DLC1: variants seen among roughly 807,000 people sequenced by gnomAD.
DLC1 encodes the protein rho GTPase-activating protein 7.
Under a neutral mutation model 140.3 loss-of-function variants are expected in DLC1, and 54 were observed. That is an observed-to-expected ratio of 0.38 (90% confidence interval 0.31 to 0.48). DLC1 has a LOEUF of 0.48. Ranked by LOEUF, DLC1 falls within the 20% of genes least tolerant of loss-of-function variation. The pLI, the probability that DLC1 is intolerant of heterozygous loss-of-function variation, is 0.96. For synonymous variants in DLC1, 986 were observed against 728.1 expected (o/e 1.35, Z -5.70); for missense variants, 2,536 against 1,907.0 (o/e 1.33, Z -6.14).
At chr8:13,205,608 A>T (rs1257599895) in intron 5 of DLC1, among the ~76,000 whole-genome samples, 3 of 152,078 alleles carry the variant, frequency 2.0e-5, no homozygotes, top group Non-Finnish European at 4.4e-5. Context: ...ATAGCTGATG[A>T]GCTAAAAAAA....
intron 5 of DLC1, among the ~76,000 whole-genome samples, chr8:13,272,418 G>A (rs1830971685): frequency 6.6e-6 from 1 of 152,076 alleles, no homozygotes; most frequent in Non-Finnish European, 1.5e-5. Flanking sequence ...TCCAGCCTGG[G>A]CGACAGAGTG....
At position 13,426,673 on chromosome 8, in the gene DLC1, T is replaced by G. The variant is rs933130425; in HGVS notation, c.1024-25054A>C. 2.6e-5 allele frequency among the ~76,000 whole-genome samples: 4 copies of G among 152,158 alleles called. No homozygotes were observed. In the East Asian group the frequency reaches 7.7e-4, roughly 29 times the overall value. The stretch of plus-strand genomic sequence containing the variant: ...GAGACTTAGTAGGGGCAACATAGAT[T>G]TAGAAATCAGTCCTTCTTCCTCGCA... On this transcript the variant is annotated intron_variant, in intron 2 of 17. Transcript: ENST00000276297.
At chr8:13,520,003 G>C (rs1421384693) in intron 1 of DLC1, among the ~76,000 whole-genome samples, 1 of 152,174 alleles carries the variant, frequency 6.6e-6, no homozygotes, top group African/African-American at 2.4e-5. Flanking sequence ...GGAGAAATAG[G>C]AACACTTTTA....
At chr8:13,562,965 CAA>C (rs376651361) in intron 1 of DLC1, among the ~76,000 whole-genome samples, 32 of 150,668 alleles carry the variant, frequency 2.1e-4, no homozygotes, top group Middle Eastern at 3.5e-3. Flanking sequence ...GTTTTTATAA[CAA>C]GAGAGGAACA....
At chr8:13,575,600 A>G (rs931554053) in intron 1 of DLC1, among the ~76,000 whole-genome samples, 1 of 152,120 alleles carries the variant, frequency 6.6e-6, no homozygotes, top group South Asian at 2.1e-4. Flanking sequence ...TAAAAAAAAA[A>G]TGCAGTCCTA....
rs750331639 is a variant in DLC1 at position 13,095,121 on chromosome 8, C to T, written c.3292G>A (p.Ala1098Thr). Reference sequence around the variant, plus strand: ...CAATGGTTCCGGAGGTATCGCATGGCCTGCTGGATGCTCTGAGGCAACGGT... The same window carrying T: ...CAATGGTTCCGGAGGTATCGCATGGTCTGCTGGATGCTCTGAGGCAACGGT... The part of the protein sequence containing the change: ...GQPLPQSIQQ[A>T]MRYLRNHCLD... The change falls in exon 11 of 18, where the codon GCC (alanine) becomes ACC (threonine). Residue 1098 changes from alanine to threonine, a missense_variant. Ala to Thr is a moderately conservative substitution (Grantham distance 58, BLOSUM62 0). Transcript: ENST00000276297. 13 of 1,614,260 alleles carry T rather than the reference C, an allele frequency of 8.1e-6. No individual in the cohort carries two copies. The highest frequency in any genetic ancestry group is 1.7e-5 in the Admixed American group (1 of 60,030).
chr8:13,587,618 T>C, intron 1 of DLC1, among the ~76,000 whole-genome samples: 1 of 147,002 alleles, frequency 6.8e-6, no homozygotes, highest in Middle Eastern at 3.6e-3. Context: ...TATATATATA[T>C]ATATATACAT....
At chr8:13,297,133 ATGTGT>A (rs1276819560) in intron 5 of DLC1, among the ~76,000 whole-genome samples, 1 of 151,324 alleles carries the variant, frequency 6.6e-6, no homozygotes, top group Non-Finnish European at 1.5e-5. Context: ...CTGAAAGCTA[ATGTGT>A]TTTCTTTCAA....
chr8:13,103,431 TG>T (rs1434954790), intron 7 of DLC1, among the ~76,000 whole-genome samples: 1 of 152,198 alleles, frequency 6.6e-6, no homozygotes, highest in African/African-American at 2.4e-5. Context: ...GCTATGATAC[TG>T]TCAAGTCTCT....
At chr8:13,364,892 T>C (rs1162736269) in intron 4 of DLC1, among the ~76,000 whole-genome samples, 3 of 152,168 alleles carry the variant, frequency 2.0e-5, no homozygotes, top group African/African-American at 4.8e-5. Flanking sequence ...AAGAAACTCA[T>C]TTGAGTTTAT....
At chr8:13,139,153 C>T (rs903545723) in intron 5 of DLC1, among the ~76,000 whole-genome samples, 1 of 151,390 alleles carries the variant, frequency 6.6e-6, no homozygotes, top group Non-Finnish European at 1.5e-5. Flanking sequence ...ATTAGCTGGG[C>T]ATGCTGCTCG....
chr8:13,576,139 G>A (rs879628435), intron 1 of DLC1, among the ~76,000 whole-genome samples: 1 of 152,184 alleles, frequency 6.6e-6, no homozygotes, highest in Non-Finnish European at 1.5e-5. Context: ...ATTAAGGGAT[G>A]AAAAGCAGCA....
chr8:13,246,332 C>T (rs546424653), intron 5 of DLC1, among the ~76,000 whole-genome samples: 1 of 152,200 alleles, frequency 6.6e-6, no homozygotes, highest in African/African-American at 2.4e-5. Context: ...TATAAGATTG[C>T]CAGGTAACTG....
intron 1 of DLC1, among the ~76,000 whole-genome samples, chr8:13,581,048 G>A (rs929280089): frequency 6.6e-6 from 1 of 152,148 alleles, no homozygotes; most frequent in Non-Finnish European, 1.5e-5. Flanking sequence ...CCTTAAAGTT[G>A]TCAGTAGTCA....
intron 5 of DLC1, among the ~76,000 whole-genome samples, chr8:13,200,307 C>T (rs1827310535): frequency 6.6e-6 from 1 of 151,980 alleles, no homozygotes; most frequent in Admixed American, 6.6e-5. Flanking sequence ...CATGATCTGC[C>T]CGCCTCGGCC....
At chr8:13,344,016 T>G (rs1160218904) in intron 4 of DLC1, among the ~76,000 whole-genome samples, 2 of 152,182 alleles carry the variant, frequency 1.3e-5, no homozygotes, top group Non-Finnish European at 2.9e-5. Flanking sequence ...GGCAAAGATT[T>G]CTCAGAATCT....
chr8:13,377,976 T>C (rs955430994), intron 4 of DLC1, among the ~76,000 whole-genome samples: 11 of 151,448 alleles, frequency 7.3e-5, no homozygotes, highest in African/African-American at 2.7e-4. Context: ...AATAAAAATA[T>C]GTTAAGTGTA....
chr8:13,106,998 AT>A (rs1819619472), intron 7 of DLC1, among the ~76,000 whole-genome samples: 1 of 152,236 alleles, frequency 6.6e-6, no homozygotes, highest in Admixed American at 6.5e-5. Context: ...CTCCTCCAGG[AT>A]TACCATTGAG....
intron 5 of DLC1, among the ~76,000 whole-genome samples, chr8:13,163,088 C>T (rs1215054620): frequency 6.6e-6 from 1 of 152,138 alleles, no homozygotes; most frequent in Non-Finnish European, 1.5e-5. Context: ...AGCACACATA[C>T]ATGAAGAGGC....
Sources: allele counts gnomAD v4.1 joint callset (sites outside exome capture counted in the v4.1 genomes callset), GRCh38; gene constraint gnomAD v4.1.1; transcripts MANE v1.5; gene names NCBI Gene and HGNC (gene_info 2026-07-23, HGNC 2026-07-21).